The following COQ8A variants were observed in gnomAD, a reference collection of about 807,000 sequenced individuals.
The protein encoded by COQ8A is atypical kinase COQ8A, mitochondrial.
Under a neutral mutation model 65.0 loss-of-function variants are expected in COQ8A, and 51 were observed. The observed-to-expected ratio is 0.78, with a 90% CI of 0.63 to 0.99. The LOEUF (loss-of-function observed/expected upper bound fraction) is 0.99. Among genes scored for constraint, COQ8A ranks in the 50% least tolerant of loss-of-function variants. The pLI, the probability that COQ8A is intolerant of heterozygous loss-of-function variation, is 0.00. For missense variants in COQ8A, 940 were observed against 875.0 expected (o/e 1.07, Z -0.94); for synonymous variants, 371 against 353.2 (o/e 1.05, Z -0.57).
At chr1:226,953,054 G>A (rs915554183) in intron 1 of COQ8A, among the ~76,000 whole-genome samples, 2 of 151,110 alleles carry the variant, frequency 1.3e-5, no homozygotes, top group African/African-American at 4.9e-5. Context: ...TTTTGAGATG[G>A]AGTCTGGCTC....
intron 1 of COQ8A, among the ~76,000 whole-genome samples, chr1:226,960,535 G>GCGGTAC (rs1658175270): frequency 1.5e-4 from 2 of 13,598 alleles, no homozygotes. Flanking sequence ...GGTGGTGGTG[G>GCGGTAC]TTGTACTTGG....
At position 226,985,440 on chromosome 1, in the gene COQ8A, G is replaced by GC. The variant is rs1000309062; in HGVS notation, c.1659+105dup. 1.2e-5 allele frequency: 17 copies of GC among 1,374,162 alleles called. No individual in the cohort carries two copies. In the Admixed American group the frequency reaches 2.1e-4, roughly 17 times the overall value. 85.1% of individuals were successfully genotyped at this position (1,374,162 alleles called of 1,614,324 possible). A position where few individuals can be genotyped will look rare whatever the true frequency, so the allele number is the denominator to read the frequency against. On this transcript the variant is annotated intron_variant, in intron 14 of 14. Coordinates refer to ENST00000366777, the MANE Select transcript of COQ8A (RefSeq NM_020247.5). ...CACAGGGGGCAGCTGCCCTCAAGGG[G>GC]CCCCCAGAGCCCGGGCCTCCTTGGG... is the stretch of plus-strand genomic sequence containing the variant.
intron 1 of COQ8A, among the ~76,000 whole-genome samples, chr1:226,948,703 G>A (rs1657194437): frequency 6.6e-6 from 1 of 152,094 alleles, no homozygotes; most frequent in African/African-American, 2.4e-5. Context: ...GGGTGGAGTG[G>A]GAAGAGTCAG....
intron 1 of COQ8A, among the ~76,000 whole-genome samples, chr1:226,955,369 G>C (rs1657624396): frequency 6.8e-6 from 1 of 148,076 alleles, no homozygotes; most frequent in Non-Finnish European, 1.5e-5. Flanking sequence ...ACTCTCCCTG[G>C]CTCCCACTCT....
intron 1 of COQ8A, 121 bp from the exon 2 acceptor site, chr1:226,961,256 G>T: frequency 9.7e-7 from 1 of 1,034,378 alleles, no homozygotes; most frequent in Admixed American, 1.8e-5. Flanking sequence ...TAGCAGAAGG[G>T]GAGATCAGTG....
intron 5 of COQ8A, among the ~76,000 whole-genome samples, chr1:226,980,001 G>T (rs1659591860): frequency 6.6e-6 from 1 of 152,226 alleles, no homozygotes; most frequent in Non-Finnish European, 1.5e-5. Flanking sequence ...CTTTGTCAGG[G>T]ACAGTGGTGA....
At chr1:226,959,622 T>C (rs903054548) in intron 1 of COQ8A, among the ~76,000 whole-genome samples, 1 of 152,250 alleles carries the variant, frequency 6.6e-6, no homozygotes, top group Non-Finnish European at 1.5e-5. Flanking sequence ...ATCTGTTTAT[T>C]AGCAGTCTGT....
intron 1 of COQ8A, among the ~76,000 whole-genome samples, chr1:226,948,778 CAAG>C (rs1657197104): frequency 6.6e-6 from 1 of 152,036 alleles, no homozygotes; most frequent in African/African-American, 2.4e-5. Context: ...GGTCCATGTG[CAAG>C]AAGAAGAGTA....
Position 226,978,612 on chromosome 1 carries a change from C to T in COQ8A, c.730+1089C>T, listed in dbSNP as rs1194821396. Reference sequence around the variant, plus strand: ...CCACACACTCTACCCTCTACACACCCGCCCACCTTACACTCCACACACCCG... The same window carrying T: ...CCACACACTCTACCCTCTACACACCTGCCCACCTTACACTCCACACACCCG... On this transcript the variant is annotated intron_variant, in intron 5 of 14. Transcript: ENST00000366777. 2.2e-5 allele frequency among the ~76,000 whole-genome samples: 2 copies of T among 92,926 alleles called. 1 individual carries two copies. Among genetic ancestry groups the T allele is most frequent in the African/African-American group, 6.0e-5 (2 of 33,234 alleles). The allele number at this position is 92,926 out of a possible 152,430, so 61.0% of individuals were successfully genotyped here. A position where few individuals can be genotyped will look rare whatever the true frequency, so the allele number is the denominator to read the frequency against.
Position 226,984,115 on chromosome 1 carries a change from C to T in COQ8A, c.1278C>T (p.Pro426=). The change falls in exon 11 of 15, where the codon CCC becomes CCT. Residue 426 remains proline, a synonymous_variant. Transcript: ENST00000366777. ...CCAGGGACCTGCTGAAGGGCCACCCCTTCTTCTATGTGCCTGAGATTGTGG... is the reference window on the plus strand; with the variant it reads ...CCAGGGACCTGCTGAAGGGCCACCCTTTCTTCTATGTGCCTGAGATTGTGG... ...RKFRDLLKGH[P]FFYVPEIVDE... The T allele has an allele frequency of 6.2e-7, 1 of 1,613,718 alleles. No individual in the cohort carries two copies. The highest frequency in any genetic ancestry group is 8.5e-7 in the Non-Finnish European group (1 of 1,179,978).
chr1:226,968,594 T>C (rs1343123790), intron 4 of COQ8A, among the ~76,000 whole-genome samples: 1 of 152,132 alleles, frequency 6.6e-6, no homozygotes, highest in African/African-American at 2.4e-5. Flanking sequence ...AAGGTGTTTT[T>C]CAGGTGCAGA....
rs201528435 is a variant in COQ8A at position 226,978,668 on chromosome 1, ACCT to A, written c.730+1149_730+1151del. 1.9e-4 allele frequency among the ~76,000 whole-genome samples: 9 copies of A among 46,470 alleles called. 1 individual carries two copies. The highest frequency in any genetic ancestry group is 8.3e-4 in the South Asian group (1 of 1,202). 30.5% of individuals were successfully genotyped at this position (46,470 alleles called of 152,430 possible). The stretch of plus-strand genomic sequence containing the variant: ...CTCCTTACCCTCCACACACCTGCCC[ACCT>A]CCTTACACACCCTCCACACACCTGC... On this transcript the variant is annotated intron_variant, in intron 5 of 14. Transcript: ENST00000366777.
chr1:226,987,028 G>C lies in COQ8A; in HGVS notation c.*291G>C, dbSNP rs1163712022. On this transcript the variant is annotated 3_prime_UTR_variant, in exon 15 of 15. Coordinates refer to ENST00000366777, the MANE Select transcript of COQ8A (RefSeq NM_020247.5). Reference sequence around the variant, plus strand: ...GCAACTTTGTTTTCTTCTTTTTCCTGATGTGAATGTTAAGCAGAAGGGAGA... The same window carrying C: ...GCAACTTTGTTTTCTTCTTTTTCCTCATGTGAATGTTAAGCAGAAGGGAGA... The C allele has an allele frequency of 4.1e-6, 2 of 486,774 alleles. No individual in the cohort carries two copies. Among genetic ancestry groups the C allele is most frequent in the Non-Finnish European group, 7.5e-6 (2 of 266,128 alleles). The allele number at this position is 486,774 out of a possible 1,614,324, so 30.2% of individuals were successfully genotyped here.
Position 226,966,446 on chromosome 1 carries a change from G to A in COQ8A, c.655+709G>A, listed in dbSNP as rs546683222. ...CTGGCCCAGATGTTCCTGTTAAAGT[G>A]CCATCTCCTTTGCTGTGGTACACTC... On this transcript the variant is annotated intron_variant, in intron 4 of 14. Transcript: ENST00000366777. Among the ~76,000 whole-genome samples, 9 of 152,348 alleles carry A rather than the reference G, an allele frequency of 5.9e-5. No individual in the cohort carries two copies. The South Asian group carries it at 1.0e-3, about 18-fold the overall frequency.
intron 4 of COQ8A, among the ~76,000 whole-genome samples, chr1:226,977,155 C>T (rs1241517252): frequency 6.6e-6 from 1 of 152,128 alleles, no homozygotes; most frequent in Admixed American, 6.5e-5. Context: ...TCCCAGCTGG[C>T]ATTACTTTGG....
At chr1:226,942,605 T>C (rs1381804912) in intron 1 of COQ8A, among the ~76,000 whole-genome samples, 2 of 152,146 alleles carry the variant, frequency 1.3e-5, no homozygotes, top group Non-Finnish European at 2.9e-5. Flanking sequence ...ATCCTCACTT[T>C]TTGCTCAGAC....
intron 9 of COQ8A, 52 bp from the exon 10 acceptor site, chr1:226,983,709 G>C: frequency 6.2e-7 from 1 of 1,612,448 alleles, no homozygotes; most frequent in Non-Finnish European, 8.5e-7. Context: ...GACCAGAGGG[G>C]GTCCTCCCTG....
chr1:226,969,277 T>C (rs1658744655), intron 4 of COQ8A, among the ~76,000 whole-genome samples: 1 of 152,202 alleles, frequency 6.6e-6, no homozygotes, highest in South Asian at 2.1e-4. Flanking sequence ...GAAGCTATGT[T>C]ATTTGTTGCC....
At chr1:226,945,510 A>T (rs985902494) in intron 1 of COQ8A, among the ~76,000 whole-genome samples, 5 of 152,186 alleles carry the variant, frequency 3.3e-5, no homozygotes, top group Non-Finnish European at 7.4e-5. Flanking sequence ...GTAAGAGTCG[A>T]TTGCCCGGTA....
Sources: gnomAD v4.1 joint callset for allele counts (sites outside exome capture counted in the v4.1 genomes callset) on GRCh38, gnomAD v4.1.1 for gene constraint, MANE v1.5 for transcripts, NCBI Gene and HGNC (gene_info 2026-07-23, HGNC 2026-07-21) for gene names.